The following RAB40C variants were observed in gnomAD, a reference collection of about 807,000 sequenced individuals.
RAB40C encodes RAB40C, member RAS oncogene family.
In RAB40C, 8 loss-of-function variants were observed where a neutral mutation model predicts 28.1. That is an observed-to-expected ratio of 0.28 (90% CI 0.17 to 0.51). The LOEUF is 0.51. Among genes scored for constraint, RAB40C ranks in the 20% least tolerant of loss-of-function variants. The pLI, the probability that RAB40C is intolerant of heterozygous loss-of-function variation, is 0.97. For missense variants in RAB40C, 288 were observed against 405.9 expected (o/e 0.71, Z 2.50); for synonymous variants, 201 against 171.7 (o/e 1.17, Z -1.34).
At chr16:617,829 T>A (rs2036619007) in intron 2 of RAB40C, among the ~76,000 whole-genome samples, 1 of 151,476 alleles carries the variant, frequency 6.6e-6, no homozygotes, top group Admixed American at 6.6e-5. Flanking sequence ...GGTGACAGAA[T>A]GAGACTCCGT....
intron 3 of RAB40C, among the ~76,000 whole-genome samples, chr16:620,209 A>G (rs768989433): frequency 7.2e-5 from 11 of 152,220 alleles, no homozygotes; most frequent in African/African-American, 1.9e-4. Context: ...CCTGACCAAC[A>G]TGGTGAAACC....
intron 1 of RAB40C, among the ~76,000 whole-genome samples, chr16:601,432 G>A (rs2036246060): frequency 6.6e-6 from 1 of 152,144 alleles, no homozygotes; most frequent in African/African-American, 2.4e-5. Context: ...CGGGTCGCCA[G>A]GATCCGGCTC....
At position 618,406 on chromosome 16, in the gene RAB40C, T is replaced by G. The variant is rs943378374; in HGVS notation, c.264+146T>G. 3.3e-6 allele frequency: 3 copies of G among 900,950 alleles called. No homozygotes were observed. The African/African-American group carries it at 5.2e-5, about 16-fold the overall frequency. The allele number at this position is 900,950 out of a possible 1,614,324, so 55.8% of individuals were successfully genotyped here. A position where few individuals can be genotyped will look rare whatever the true frequency, so the allele number is the denominator to read the frequency against. On this transcript the variant is annotated intron_variant, in intron 3 of 5. Transcript: ENST00000248139. ...ACATTGGTTTGTTTATTTGTTTGTT[T>G]TGAGACAGAGACTCACTCTGTCACC... is the stretch of plus-strand genomic sequence containing the variant.
chr16:618,619 G>T (rs1418971945), intron 3 of RAB40C, among the ~76,000 whole-genome samples: 2 of 151,586 alleles, frequency 1.3e-5, no homozygotes, highest in Non-Finnish European at 2.9e-5. Context: ...ATGTGCACAG[G>T]TCTGGCGGGG....
intron 3 of RAB40C, chr16:625,183 G>T: frequency 7.1e-7 from 1 of 1,402,082 alleles, no homozygotes; most frequent in Non-Finnish European, 9.4e-7. Flanking sequence ...AGGGGAGGGA[G>T]GGGAAGCGGC....
intron 3 of RAB40C, among the ~76,000 whole-genome samples, chr16:621,279 C>T (rs919830228): frequency 2.0e-5 from 3 of 152,336 alleles, no homozygotes; most frequent in East Asian, 1.9e-4. Context: ...TGGTGAGCAG[C>T]GGTGAGGTGC....
intron 1 of RAB40C, among the ~76,000 whole-genome samples, chr16:593,753 T>C (rs901616237): frequency 6.6e-6 from 1 of 152,186 alleles, no homozygotes; most frequent in East Asian, 1.9e-4. Flanking sequence ...TGTCTCCTAA[T>C]GTGGGTGTGC....
chr16:615,791 G>A (rs1415169289), intron 1 of RAB40C, among the ~76,000 whole-genome samples: 1 of 152,046 alleles, frequency 6.6e-6, no homozygotes, highest in Non-Finnish European at 1.5e-5. Context: ...GCAAAACCCC[G>A]TCTCTACTAA....
chr16:590,524 C>G (rs114220093), intron 1 of RAB40C, 91 bp downstream of exon 1: 5 of 1,353,446 alleles, frequency 3.7e-6, no homozygotes, highest in Non-Finnish European at 4.8e-6. Context: ...CCCTTCCAAG[C>G]GCCGCCGAAC....
intron 1 of RAB40C, 47 bp downstream of exon 1, chr16:590,480 G>T: frequency 6.7e-7 from 1 of 1,483,462 alleles, no homozygotes; most frequent in Non-Finnish European, 8.9e-7. Context: ...GCCCGAGCCC[G>T]GCGAGCTGGG....
At chr16:605,245 C>T (rs1265542921) in intron 1 of RAB40C, among the ~76,000 whole-genome samples, 2 of 152,182 alleles carry the variant, frequency 1.3e-5, no homozygotes, top group African/African-American at 4.8e-5. Flanking sequence ...ACTGTTTGCT[C>T]AAGCAGCCCC....
At chr16:624,001 C>G (rs2036775410) in intron 3 of RAB40C, 1 of 985,462 alleles carries the variant, frequency 1.0e-6, no homozygotes, top group Non-Finnish European at 1.2e-6. Context: ...GGTTGCACAT[C>G]TCTCCTTGGC....
Position 627,891 on chromosome 16 carries a change from C to G in RAB40C, c.*269C>G, listed in dbSNP as rs2036875915. 5 of 440,164 alleles carry G rather than the reference C, an allele frequency of 1.1e-5. No homozygotes were observed. The allele number at this position is 440,164 out of a possible 1,614,324, so 27.3% of individuals were successfully genotyped here. ...GGCCTCCCCAGCTGCCTGGGCTTGA[C>G]CGGCGGGGAGCCTGGTTGGCCTTTC... On this transcript the variant is annotated 3_prime_UTR_variant, in exon 6 of 6. Transcript: ENST00000248139.
chr16:592,970 G>C (rs1233307167), intron 1 of RAB40C, among the ~76,000 whole-genome samples: 2 of 152,258 alleles, frequency 1.3e-5, no homozygotes, highest in Non-Finnish European at 2.9e-5. Context: ...GACTTCAGAG[G>C]CTCACAGTGG....
intron 2 of RAB40C, 44 bp from the exon 3 acceptor site, chr16:618,156 A>G: frequency 6.3e-7 from 1 of 1,587,792 alleles, no homozygotes; most frequent in East Asian, 2.2e-5. Flanking sequence ...TGAGCCTCTC[A>G]CAGGGACCAC....
chr16:610,289 G>A lies in RAB40C; in HGVS notation c.143-6919G>A, dbSNP rs927335408. On this transcript the variant is annotated intron_variant, in intron 1 of 5. Coordinates refer to ENST00000248139, the MANE Select transcript of RAB40C (RefSeq NM_021168.5). This position sits in a 1 kb window ranked among gnomAD's most constrained non-coding sequence, Gnocchi z 4.6. ...AGGACAGTGCCGTGTGTCTCATGGG[G>A]TTGTGTTCAGGTCGGCTGAGAGGCA... Among the ~76,000 whole-genome samples the A allele has an allele frequency of 3.3e-5, 5 of 152,148 alleles. No individual in the cohort carries two copies. The highest frequency in any genetic ancestry group is 1.2e-4 in the African/African-American group (5 of 41,434).
chr16:601,476 C>A (rs944686886), intron 1 of RAB40C, among the ~76,000 whole-genome samples: 2 of 152,198 alleles, frequency 1.3e-5, no homozygotes, highest in East Asian at 1.9e-4. Context: ...GTGCTGAGCA[C>A]CCCTGGGTGC....
intron 1 of RAB40C, among the ~76,000 whole-genome samples, chr16:607,637 A>C (rs966550409): frequency 8.6e-5 from 13 of 151,654 alleles, no homozygotes; most frequent in Non-Finnish European, 1.5e-4. Context: ...CAAAAATACA[A>C]AAAATTAGGC....
rs751811524 is a variant in RAB40C, at chr16:627,403, C to T, written c.627C>T (p.Ile209=). The change falls in exon 6 of 6, where the codon ATC becomes ATT. Residue 209 remains isoleucine, a synonymous_variant. Coordinates refer to ENST00000248139, the MANE Select transcript of RAB40C (RefSeq NM_021168.5). ...TCTCCTGCACCCCCGTGCACCTCAT[C>T]GACAAGCTTCCACTGCCCGTCACCA... ...AIVSCTPVHL[I]DKLPLPVTIK... The T allele has an allele frequency of 3.7e-6, 6 of 1,613,952 alleles. No individual in the cohort carries two copies. The East Asian group carries it at 6.7e-5, about 18-fold the overall frequency.
Sources: allele counts gnomAD v4.1 joint callset (sites outside exome capture counted in the v4.1 genomes callset), GRCh38; gene constraint gnomAD v4.1.1; non-coding constraint Gnocchi (gnomAD v3.1); transcripts MANE v1.5; gene names NCBI Gene and HGNC (gene_info 2026-07-23, HGNC 2026-07-21).